ARID1B: variants seen among roughly 807,000 people sequenced by gnomAD.
ARID1B encodes the protein AT-rich interaction domain 1B.
A neutral mutation model predicts 212.3 loss-of-function variants in ARID1B; 30 were observed. The observed-to-expected ratio is 0.14, with a 90% CI of 0.11 to 0.19. The LOEUF is 0.19. Among genes scored for constraint, ARID1B ranks in the 10% least tolerant of loss-of-function variants. The pLI is 1.00. For synonymous variants in ARID1B, 1,402 were observed against 1,301.7 expected (o/e 1.08, Z -1.66); for missense variants, 2,891 against 3,204.0 (o/e 0.90, Z 2.36).
In ARID1B at chr6:157,062,204, G is replaced by T. The variant is rs867511250; in HGVS notation, c.2248-22458G>T. On this transcript the variant is annotated intron_variant, in intron 4 of 19. Coordinates refer to ENST00000636930, the MANE Select transcript of ARID1B (RefSeq NM_001374828.1). The stretch of plus-strand genomic sequence containing the variant: ...TTTCTGTTTCTCCTTTTGTTTTGTT[G>T]TTTTTTTTTTTTAGAGACAGAGCCT... Among the ~76,000 whole-genome samples the T allele has an allele frequency of 7.4e-3, 1,058 of 143,384 alleles. 8 individuals carry two copies. Among genetic ancestry groups the T allele is most frequent in the African/African-American group, 0.026 (1,010 of 39,414 alleles). 94.1% of individuals were successfully genotyped at this position (143,384 alleles called of 152,430 possible).
At chr6:156,926,202 G>A (rs949501932) in intron 3 of ARID1B, among the ~76,000 whole-genome samples, 2 of 152,122 alleles carry the variant, frequency 1.3e-5, no homozygotes, top group Admixed American at 6.5e-5. Flanking sequence ...GATTGAACAA[G>A]GATCACTGAG....
At position 156,910,645 on chromosome 6, in the gene ARID1B, C is replaced by T. The variant is rs938157725; in HGVS notation, c.2136+9120C>T. 7.2e-5 allele frequency among the ~76,000 whole-genome samples: 11 copies of T among 152,084 alleles called. No homozygotes were observed. The South Asian group carries it at 1.0e-3, about 14-fold the overall frequency. On this transcript the variant is annotated intron_variant, in intron 3 of 19. Transcript: ENST00000636930. ...GATTCATTTAAAAAGGATTAGAAAA[C>T]GCATTTTATCCAGTATTTTGGGTTT...
In ARID1B at chr6:157,059,073, T is replaced by G. The variant is rs554734362; in HGVS notation, c.2248-25589T>G. Among the ~76,000 whole-genome samples, 8 of 152,136 alleles carry G rather than the reference T, an allele frequency of 5.3e-5. No homozygotes were observed. The East Asian group carries it at 9.6e-4, about 18-fold the overall frequency. On this transcript the variant is annotated intron_variant, in intron 4 of 19. Transcript: ENST00000636930. Reference sequence around the variant, plus strand: ...GCTTGGAAATTGTGTTTTTGTTTTTTTTTTTTGATAAAAATATATTCATTT... The same window carrying G: ...GCTTGGAAATTGTGTTTTTGTTTTTGTTTTTTGATAAAAATATATTCATTT...
chr6:156,880,739 C>CAAAAAAAAAAAAAAAAAAAAAAAAA (rs141153792), intron 2 of ARID1B, among the ~76,000 whole-genome samples: 1 of 86,994 alleles, frequency 1.1e-5, no homozygotes, highest in African/African-American at 4.4e-5. Context: ...GACTCTGTCT[C>CAAAAAAAAAAAAAAAAAAAAAAAAA]AAAAAAAAAA....
At chr6:157,086,532 T>C (rs1208553556) in intron 5 of ARID1B, among the ~76,000 whole-genome samples, 2 of 152,226 alleles carry the variant, frequency 1.3e-5, no homozygotes, top group Non-Finnish European at 2.9e-5. Context: ...AAAAGGACTT[T>C]TTCTAAAAAC....
intron 4 of ARID1B, among the ~76,000 whole-genome samples, chr6:157,063,419 C>T (rs947351945): frequency 5.3e-5 from 8 of 152,108 alleles, no homozygotes; most frequent in African/African-American, 1.7e-4. Context: ...GTGAGGCATG[C>T]GGCTAATAAA....
At chr6:156,949,844 C>CA (rs1045156418) in intron 4 of ARID1B, among the ~76,000 whole-genome samples, 8 of 152,258 alleles carry the variant, frequency 5.3e-5, no homozygotes, top group African/African-American at 1.9e-4. Context: ...ATTACGCTGC[C>CA]ATTTTTGGTT....
intron 3 of ARID1B, among the ~76,000 whole-genome samples, chr6:156,924,358 C>T (rs1791056203): frequency 1.3e-5 from 2 of 152,154 alleles, no homozygotes; most frequent in African/African-American, 4.8e-5. Context: ...CTTATTAAGT[C>T]AAGAACTTTT....
At position 157,123,223 on chromosome 6, in the gene ARID1B, T is replaced by TC. The variant is rs1192105217; in HGVS notation, c.2582-9798dup. 2.8e-3 allele frequency among the ~76,000 whole-genome samples: 67 copies of TC among 23,906 alleles called. 1 individual carries two copies. The highest frequency in any genetic ancestry group is 2.4e-3 in the Non-Finnish European group (30 of 12,414). The allele number at this position is 23,906 out of a possible 152,430, so 15.7% of individuals were successfully genotyped here. On this transcript the variant is annotated intron_variant, in intron 6 of 19. Transcript: ENST00000636930. ...GTCTCTCTCTCAATCTTTCTTTCTC[T>TC]CCCCCCCGCCCCCCGCCCCCCCCCC...
In ARID1B at chr6:157,190,123, C is replaced by A; in HGVS notation, c.4144C>A (p.Pro1382Thr). 1.9e-6 allele frequency: 3 copies of A among 1,614,228 alleles called. No homozygotes were observed. The highest frequency in any genetic ancestry group is 2.5e-6 in the Non-Finnish European group (3 of 1,180,052). ...ACGGAACTCCATGACTCCAAACGCC[C>A]CCTACCAGCAGGGCATGAGCATGCC... ...PKRNSMTPNA[P>T]YQQGMSMPDV... The change falls in exon 15 of 20, where the codon CCC (proline) becomes ACC (threonine). Residue 1382 changes from proline (P) to threonine (T), a missense_variant. By Grantham distance (38) the Pro-to-Thr change is conservative. Coordinates refer to ENST00000636930, the MANE Select transcript of ARID1B (RefSeq NM_001374828.1). This position sits in a 1 kb window ranked among gnomAD's most constrained non-coding sequence, Gnocchi z 4.6.
intron 1 of ARID1B, among the ~76,000 whole-genome samples, chr6:156,819,407 A>G (rs1782198936): frequency 6.6e-6 from 1 of 152,250 alleles, no homozygotes; most frequent in African/African-American, 2.4e-5. Flanking sequence ...TACTCTCAAA[A>G]TAAACAATAT....
intron 6 of ARID1B, among the ~76,000 whole-genome samples, chr6:157,120,783 C>T (rs1330340874): frequency 1.3e-5 from 2 of 152,154 alleles, no homozygotes; most frequent in Non-Finnish European, 2.9e-5. Flanking sequence ...AAATGAAAAA[C>T]GTGCTTGCTT....
chr6:156,850,963 G>A (rs941302302), intron 2 of ARID1B, among the ~76,000 whole-genome samples: 2 of 152,210 alleles, frequency 1.3e-5, no homozygotes, highest in Non-Finnish European at 2.9e-5. Context: ...TGTATGAAGG[G>A]AACGAGGTGC....
chr6:156,959,806 T>C (rs1379885936), intron 4 of ARID1B, among the ~76,000 whole-genome samples: 2 of 152,174 alleles, frequency 1.3e-5, no homozygotes, highest in African/African-American at 4.8e-5. Flanking sequence ...CTGCTGCCTT[T>C]CGATCCGTGG....
intron 5 of ARID1B, among the ~76,000 whole-genome samples, chr6:157,106,634 C>T (rs1014667437): frequency 6.6e-6 from 1 of 152,180 alleles, no homozygotes; most frequent in African/African-American, 2.4e-5. Context: ...CTGCAAAATC[C>T]TTTCACATTT....
At chr6:156,807,449 G>GT (rs34102389) in intron 1 of ARID1B, among the ~76,000 whole-genome samples, 26,510 of 142,170 alleles carry the variant, frequency 0.19, 3,710 homozygotes, top group African/African-American at 0.4. Context: ...TTTTCTTAAG[G>GT]TTTTTTTTTT....
chr6:156,930,231 A>G (rs1791587656), intron 3 of ARID1B, among the ~76,000 whole-genome samples: 1 of 152,180 alleles, frequency 6.6e-6, no homozygotes, highest in Admixed American at 6.5e-5. Context: ...ATAAGGTTTC[A>G]GACCATCCTC....
At chr6:157,029,501 T>C (rs914096126) in intron 4 of ARID1B, among the ~76,000 whole-genome samples, 8 of 152,390 alleles carry the variant, frequency 5.2e-5, no homozygotes, top group Admixed American at 1.3e-4. Context: ...TGAGCTAGCC[T>C]GCTCTTGTGA....
At chr6:156,904,484 C>T (rs1334594041) in intron 3 of ARID1B, among the ~76,000 whole-genome samples, 3 of 152,222 alleles carry the variant, frequency 2.0e-5, no homozygotes, top group Non-Finnish European at 4.4e-5. Context: ...GTAATATCTG[C>T]AGGATGAATT....
Sources: gnomAD v4.1 joint callset for allele counts (sites outside exome capture counted in the v4.1 genomes callset) on GRCh38, gnomAD v4.1.1 for gene constraint, Gnocchi (gnomAD v3.1) non-coding constraint, MANE v1.5 for transcripts, NCBI Gene and HGNC (gene_info 2026-07-23, HGNC 2026-07-21) for gene names.